Variants in TARBP1 observed in about 807,000 individuals in gnomAD.
TARBP1 encodes tRNA guanosine 2 -O-methyltransferase TARBP1, also known as tRNA (guanosine(18)-2'-O)-methyltransferase TARBP1.
Under a neutral mutation model 178.6 loss-of-function variants are expected in TARBP1, and 144 were observed. The ratio of observed to expected loss-of-function variants is 0.81; its 90% CI spans 0.70 to 0.93. The LOEUF (loss-of-function observed/expected upper bound fraction) is 0.93, where lower values mean the gene tolerates loss of function less well. Ranked by LOEUF, TARBP1 falls within the 40% of genes least tolerant of loss-of-function variation. The pLI is 0.00. For synonymous variants in TARBP1, 787 were observed against 781.0 expected (o/e 1.01, Z -0.13); for missense variants, 2,067 against 2,011.7 (o/e 1.03, Z -0.53).
intron 24 of TARBP1, among the ~76,000 whole-genome samples, chr1:234,403,089 CTTTA>C (rs1271053897): frequency 1.9e-4 from 29 of 152,174 alleles, no homozygotes; most frequent in Non-Finnish European, 8.8e-5. Flanking sequence ...GCTCTTCACA[CTTTA>C]ATGCAAAAGA....
chr1:234,435,522 A>G (rs1349813813), intron 13 of TARBP1, among the ~76,000 whole-genome samples: 1 of 152,198 alleles, frequency 6.6e-6, no homozygotes, highest in Non-Finnish European at 1.5e-5. Context: ...TAAACCTGTT[A>G]AAATGCTCAT....
chr1:234,472,663 A>C (rs1403995697), intron 2 of TARBP1, 51 bp downstream of exon 2: 7 of 1,304,544 alleles, frequency 5.4e-6, no homozygotes, highest in Non-Finnish European at 6.4e-6. Context: ...GTTTTTAAAA[A>C]AGAAAAATTG....
chr1:234,433,381 A>T (rs781172812), intron 14 of TARBP1, 29 bp downstream of exon 14: 3 of 1,601,978 alleles, frequency 1.9e-6, no homozygotes, highest in Non-Finnish European at 2.6e-6. Context: ...ATTCAAGATA[A>T]CTACAAACCT....
intron 12 of TARBP1, among the ~76,000 whole-genome samples, chr1:234,446,048 ATATTTTTT>A (rs1666138530): frequency 7.3e-6 from 1 of 137,674 alleles, no homozygotes; most frequent in Non-Finnish European, 1.6e-5. Flanking sequence ...TTATAAAAAA[ATATTTTTT>A]ATATTTCATA....
At chr1:234,420,611 A>C (rs113850479) in intron 21 of TARBP1, 91 bp downstream of exon 21, 1 of 708,174 alleles carries the variant, frequency 1.4e-6, no homozygotes, top group South Asian at 3.7e-5. Context: ...TATCTTTTTC[A>C]ATTTTAAAAT....
chr1:234,471,111 C>T (rs1365380931), intron 3 of TARBP1, 77 bp downstream of exon 3: 16 of 1,101,218 alleles, frequency 1.5e-5, no homozygotes, highest in Non-Finnish European at 2.0e-5. Context: ...AAATTCTCTA[C>T]AATGAACAGG....
intron 24 of TARBP1, among the ~76,000 whole-genome samples, chr1:234,401,927 T>C (rs1490049358): frequency 6.6e-6 from 1 of 152,122 alleles, no homozygotes. Flanking sequence ...TACCCACCTG[T>C]CCTCTTTTCT....
At chr1:234,433,835 G>C (rs1470465449) in intron 13 of TARBP1, among the ~76,000 whole-genome samples, 2 of 152,196 alleles carry the variant, frequency 1.3e-5, no homozygotes, top group African/African-American at 4.8e-5. Flanking sequence ...CTATGAGGGA[G>C]ACCTTAGATG....
chr1:234,458,189 C>T (rs1025252885), intron 8 of TARBP1, among the ~76,000 whole-genome samples: 13 of 152,076 alleles, frequency 8.5e-5, no homozygotes, highest in African/African-American at 1.9e-4. Context: ...ACTAAAAATA[C>T]AAAAATTAGC....
chr1:234,466,042 A>G (rs1481210062), intron 4 of TARBP1, among the ~76,000 whole-genome samples: 4 of 152,192 alleles, frequency 2.6e-5, no homozygotes, highest in Non-Finnish European at 5.9e-5. Flanking sequence ...AACCAAAAAG[A>G]TACTCAAGAG....
intron 22 of TARBP1, among the ~76,000 whole-genome samples, chr1:234,416,540 T>A (rs964057305): frequency 6.6e-6 from 1 of 152,062 alleles, no homozygotes; most frequent in African/African-American, 2.4e-5. Context: ...CAAGTAATTC[T>A]CCCGCCTCAG....
chr1:234,391,854 G>T, intron 29 of TARBP1, 109 bp from the exon 30 acceptor site: 2 of 1,148,306 alleles, frequency 1.7e-6, no homozygotes, highest in Non-Finnish European at 2.5e-6. Context: ...TTGATATTCT[G>T]AATGTTACTA....
At chr1:234,476,209 A>G (rs982127231) in intron 1 of TARBP1, among the ~76,000 whole-genome samples, 7 of 152,240 alleles carry the variant, frequency 4.6e-5, no homozygotes, top group Non-Finnish European at 8.8e-5. Context: ...CAAAAGCGTC[A>G]AATGGAAATG....
At chr1:234,413,557 G>A (rs368518077) in intron 22 of TARBP1, among the ~76,000 whole-genome samples, 4 of 152,218 alleles carry the variant, frequency 2.6e-5, no homozygotes, top group Non-Finnish European at 5.9e-5. Flanking sequence ...GTGTGCCTAG[G>A]TAGTGAATTG....
chr1:234,459,219 G>T lies in TARBP1; in HGVS notation c.1632+11C>A, dbSNP rs1667596315. 4 of 1,603,140 alleles carry T rather than the reference G, an allele frequency of 2.5e-6. No individual in the cohort carries two copies. Among genetic ancestry groups the T allele is most frequent in the Non-Finnish European group, 3.4e-6 (4 of 1,175,842 alleles). On this transcript the variant is annotated intron_variant, in intron 8 of 29. Transcript: ENST00000040877. ...AGACTTGTAAATGGAAGTAACAAAAGAAAAACTTACCACATCTAGCAAATT... is the reference window on the plus strand; with the variant it reads ...AGACTTGTAAATGGAAGTAACAAAATAAAAACTTACCACATCTAGCAAATT...
rs755269109 is a variant in TARBP1 at position 234,459,227 on chromosome 1, T to TA, written c.1632+2dup. The TA allele has an allele frequency of 5.0e-6, 8 of 1,605,284 alleles. No homozygotes were observed. In the South Asian group the frequency reaches 6.7e-5, roughly 14 times the overall value. ...AAATGGAAGTAACAAAAGAAAAACT[T>TA]ACCACATCTAGCAAATTCATAGCTG... On this transcript the variant is annotated splice_region_variant and intron_variant, in intron 8 of 29. Transcript: ENST00000040877.
Position 234,429,498 on chromosome 1 carries a change from T to C in TARBP1, c.2789A>G (p.Gln930Arg). The change falls in exon 16 of 30, where the codon CAG becomes CGG. Residue 930 changes from glutamine to arginine, a missense_variant. Coordinates refer to ENST00000040877, the MANE Select transcript of TARBP1 (RefSeq NM_005646.4). ...PAVQMPIRTL[Q>R]SALEALTVLS... ...AACTGTGAGGGCTTCTAGTGCAGAC[T>C]GCAAAGTCCTTATTGGCATCTGAAC... is the stretch of plus-strand genomic sequence containing the variant. 6.2e-7 allele frequency: 1 copy of C among 1,614,214 alleles called. No individual in the cohort carries two copies. Among genetic ancestry groups the C allele is most frequent in the African/African-American group, 1.3e-5 (1 of 75,060 alleles).
intron 24 of TARBP1, among the ~76,000 whole-genome samples, chr1:234,404,229 T>G (rs962841164): frequency 6.6e-6 from 1 of 152,092 alleles, no homozygotes; most frequent in Non-Finnish European, 1.5e-5. Flanking sequence ...CAAATGCCTA[T>G]CTGCGTGTTA....
chr1:234,433,421 C>T lies in TARBP1; in HGVS notation c.2383G>A (p.Asp795Asn). The change falls in exon 14 of 30, where the codon GAC (aspartate) becomes AAC (asparagine). Residue 795 changes from aspartate (D) to asparagine (N), a missense_variant. By Grantham distance (23) the Asp-to-Asn change is conservative. Coordinates refer to ENST00000040877, the MANE Select transcript of TARBP1 (RefSeq NM_005646.4). ...NASIQHLQEM[D>N]SGQEPTVGSQ... ...TCAAAGAGGCTTACCTGTCCACTGT[C>T]CATCTCTTGAAGATGCTGAATGGAT... is the stretch of plus-strand genomic sequence containing the variant. 1 of 1,613,880 alleles carries T rather than the reference C, an allele frequency of 6.2e-7. No individual in the cohort carries two copies. The highest frequency in any genetic ancestry group is 8.5e-7 in the Non-Finnish European group (1 of 1,179,984).
Sources: gnomAD v4.1 joint callset for allele counts (sites outside exome capture counted in the v4.1 genomes callset) on GRCh38, gnomAD v4.1.1 for gene constraint, MANE v1.5 for transcripts, NCBI Gene and HGNC (gene_info 2026-07-23, HGNC 2026-07-21) for gene names.